Variants in CSMD1 observed in about 807,000 individuals in gnomAD.
The protein encoded by CSMD1 is CUB and sushi domain-containing protein 1.
In CSMD1, 213 loss-of-function variants were observed where a neutral mutation model predicts 417.5. The observed-to-expected ratio is 0.51, with a 90% CI of 0.46 to 0.57. The LOEUF (loss-of-function observed/expected upper bound fraction) is 0.57. Ranked by LOEUF, CSMD1 falls within the 20% of genes least tolerant of loss-of-function variation. CSMD1 has a pLI of 0.00. For synonymous variants in CSMD1, 2,862 were observed against 1,736.8 expected, an observed-to-expected ratio of 1.65 and a Z score of -16.11; for missense variants, 6,923 against 4,529.7, an observed-to-expected ratio of 1.53 and a Z score of -15.17.
intron 23 of CSMD1, among the ~76,000 whole-genome samples, chr8:3,317,593 G>C (rs986983113): frequency 6.6e-6 from 1 of 152,114 alleles, no homozygotes; most frequent in African/African-American, 2.4e-5. Context: ...ATTTTGTTTT[G>C]TTTTGTTTAA....
At chr8:3,160,782 T>C (rs932129053) in intron 38 of CSMD1, among the ~76,000 whole-genome samples, 4 of 152,250 alleles carry the variant, frequency 2.6e-5, no homozygotes, top group African/African-American at 9.6e-5. Context: ...CATCACATGG[T>C]ACCCATGTCC....
At chr8:4,285,391 TGTG>T (rs1797006429) in intron 3 of CSMD1, among the ~76,000 whole-genome samples, 2 of 152,204 alleles carry the variant, frequency 1.3e-5, no homozygotes, top group South Asian at 4.1e-4. Flanking sequence ...GAAATGAATT[TGTG>T]GCCATGAATC....
rs146422686 is a variant in CSMD1 at position 3,984,174 on chromosome 8, C to G, written c.818+13729G>C. Reference sequence around the variant, plus strand: ...GCTCTAGAGCACATCGCAGAAAATTCAGGTCAGGAACCTCTCAGACTGCGC... The same window carrying G: ...GCTCTAGAGCACATCGCAGAAAATTGAGGTCAGGAACCTCTCAGACTGCGC... On this transcript the variant is annotated intron_variant, in intron 5 of 69. Transcript: ENST00000635120. Among the ~76,000 whole-genome samples the G allele has an allele frequency of 1.1e-3, 83 of 76,148 alleles. No individual in the cohort carries two copies. The East Asian group carries it at 0.039, about 36-fold the overall frequency. 50.0% of individuals were successfully genotyped at this position (76,148 alleles called of 152,430 possible).
intron 1 of CSMD1, among the ~76,000 whole-genome samples, chr8:4,890,610 C>T (rs891868896): frequency 6.8e-6 from 1 of 147,960 alleles, no homozygotes; most frequent in East Asian, 2.1e-4. Context: ...CTGACACCCT[C>T]CCCTGCTTCA....
intron 5 of CSMD1, among the ~76,000 whole-genome samples, chr8:3,878,697 C>A (rs1805999254): frequency 6.6e-6 from 1 of 152,132 alleles, no homozygotes; most frequent in African/African-American, 2.4e-5. Context: ...GCTAGTATGT[C>A]TGATGCTTCA....
intron 3 of CSMD1, among the ~76,000 whole-genome samples, chr8:4,182,569 C>G (rs995798598): frequency 2.0e-5 from 3 of 152,102 alleles, no homozygotes; most frequent in Non-Finnish European, 4.4e-5. Context: ...GATGTATGAT[C>G]ACAGAAAAGA....
chr8:4,796,752 G>A (rs1419850725), intron 1 of CSMD1, among the ~76,000 whole-genome samples: 1 of 152,128 alleles, frequency 6.6e-6, no homozygotes, highest in Non-Finnish European at 1.5e-5. Flanking sequence ...TATTTCAGTG[G>A]AGCCGAATTC....
intron 25 of CSMD1, among the ~76,000 whole-genome samples, chr8:3,291,212 C>T (rs541719739): frequency 6.6e-6 from 1 of 152,116 alleles, no homozygotes; most frequent in Non-Finnish European, 1.5e-5. Flanking sequence ...TGATGTATTG[C>T]TGGATTCCAT....
At chr8:4,949,750 T>C (rs934476487) in intron 1 of CSMD1, among the ~76,000 whole-genome samples, 2 of 152,210 alleles carry the variant, frequency 1.3e-5, no homozygotes, top group Non-Finnish European at 2.9e-5. Context: ...AATTTTATCT[T>C]TTCAAAAAAA....
chr8:3,246,732 CAAAG>C (rs1799908334), intron 26 of CSMD1, among the ~76,000 whole-genome samples: 1 of 152,180 alleles, frequency 6.6e-6, no homozygotes, highest in Non-Finnish European at 1.5e-5. Flanking sequence ...CTTGGCATCC[CAAAG>C]TGCTGCGATT....
intron 6 of CSMD1, among the ~76,000 whole-genome samples, chr8:3,708,892 T>G (rs1801332915): frequency 6.6e-6 from 1 of 152,180 alleles, no homozygotes; most frequent in Non-Finnish European, 1.5e-5. Context: ...AAAAAAAGTT[T>G]AGATAAAAAG....
At chr8:3,893,024 G>C (rs531315081) in intron 5 of CSMD1, among the ~76,000 whole-genome samples, 1 of 151,768 alleles carries the variant, frequency 6.6e-6, no homozygotes, top group South Asian at 2.1e-4. Context: ...AAAATAACTT[G>C]TCAATAATAG....
intron 2 of CSMD1, among the ~76,000 whole-genome samples, chr8:4,486,483 T>C (rs1801424160): frequency 6.6e-6 from 1 of 151,746 alleles, no homozygotes; most frequent in African/African-American, 2.4e-5. Flanking sequence ...TTATATTAGT[T>C]TTAGATTTTA....
At chr8:3,565,550 T>A (rs1175740913) in intron 10 of CSMD1, among the ~76,000 whole-genome samples, 1 of 152,212 alleles carries the variant, frequency 6.6e-6, no homozygotes, top group Non-Finnish European at 1.5e-5. Flanking sequence ...ATGTTAACCT[T>A]TTAATACTTC....
chr8:4,925,215 G>GGTTTTT (rs762807942), intron 1 of CSMD1, among the ~76,000 whole-genome samples: 2 of 72,740 alleles, frequency 2.7e-5, no homozygotes, highest in East Asian at 1.0e-3. Flanking sequence ...CAGTTTTATG[G>GGTTTTT]TTTTTTTTTT....
At chr8:3,946,867 T>C (rs544111906) in intron 5 of CSMD1, among the ~76,000 whole-genome samples, 4 of 152,310 alleles carry the variant, frequency 2.6e-5, no homozygotes, top group South Asian at 2.1e-4. Context: ...AAATTGCTCA[T>C]TGCTTGTATC....
intron 25 of CSMD1, among the ~76,000 whole-genome samples, chr8:3,288,505 A>T (rs887428687): frequency 6.8e-6 from 1 of 147,184 alleles, no homozygotes; most frequent in Non-Finnish European, 1.5e-5. Context: ...CAGAGATTCA[A>T]CTTCTTCCTG....
chr8:4,731,750 G>A (rs946770923), intron 1 of CSMD1, among the ~76,000 whole-genome samples: 3 of 152,110 alleles, frequency 2.0e-5, no homozygotes, highest in African/African-American at 7.2e-5. Flanking sequence ...AGTTACTCTA[G>A]TAGTTTGGGA....
intron 25 of CSMD1, among the ~76,000 whole-genome samples, chr8:3,295,666 C>G (rs147713392): frequency 1.1e-4 from 16 of 152,290 alleles, no homozygotes; most frequent in African/African-American, 3.9e-4. Context: ...CCTTGGGATT[C>G]TAACTGCTTT....
Sources: gnomAD v4.1 joint callset for allele counts (sites outside exome capture counted in the v4.1 genomes callset) on GRCh38, gnomAD v4.1.1 for gene constraint, MANE v1.5 for transcripts, NCBI Gene and HGNC (gene_info 2026-07-23, HGNC 2026-07-21) for gene names.